Variants in DDR2 observed in about 807,000 individuals in gnomAD.
The protein encoded by DDR2 is discoidin domain receptor tyrosine kinase 2.
A neutral mutation model predicts 94.9 loss-of-function variants in DDR2; 27 were observed. The observed-to-expected ratio is 0.28, with a 90% CI of 0.21 to 0.39. The LOEUF (loss-of-function observed/expected upper bound fraction) is 0.39, where lower values mean the gene tolerates loss of function less well. Ranked by LOEUF, DDR2 falls within the 10% of genes least tolerant of loss-of-function variation. The pLI is 1.00. For missense variants in DDR2, 783 were observed against 1,076.0 expected (o/e 0.73, Z 3.81); for synonymous variants, 382 against 377.2 (o/e 1.01, Z -0.15).
chr1:162,696,700 A>G (rs1467232263), intron 2 of DDR2, among the ~76,000 whole-genome samples: 1 of 151,836 alleles, frequency 6.6e-6, no homozygotes, highest in Admixed American at 6.6e-5. Flanking sequence ...AGCCTAAACC[A>G]GAGGCCCCTT....
In DDR2 at chr1:162,744,986, T is replaced by C. The variant is rs115216498; in HGVS notation, c.83-8109T>C. On this transcript the variant is annotated intron_variant, in intron 3 of 17. Transcript: ENST00000367921. The stretch of plus-strand genomic sequence containing the variant: ...TTATAAGGGTTCCAGTTTCTCTACA[T>C]CCTTGCCAACATTTGTTATCTTTTG... Among the ~76,000 whole-genome samples, 1,445 of 152,334 alleles carry C rather than the reference T, an allele frequency of 9.5e-3. 22 individuals are homozygous for C. Among genetic ancestry groups the C allele is most frequent in the African/African-American group, 0.033 (1,380 of 41,582 alleles).
chr1:162,702,596 A>G (rs748221115), intron 2 of DDR2, among the ~76,000 whole-genome samples: 6 of 152,136 alleles, frequency 3.9e-5, no homozygotes, highest in Non-Finnish European at 7.4e-5. Flanking sequence ...TTTAAATGTC[A>G]CCCTATTTCA....
chr1:162,762,762 A>AT (rs1297738327), intron 9 of DDR2, among the ~76,000 whole-genome samples: 1 of 151,930 alleles, frequency 6.6e-6, no homozygotes, highest in African/African-American at 2.4e-5. Context: ...TTTTACCCTT[A>AT]TTTTTTTGGT....
intron 2 of DDR2, among the ~76,000 whole-genome samples, chr1:162,710,104 A>G (rs1307131023): frequency 1.3e-5 from 2 of 152,226 alleles, no homozygotes; most frequent in Non-Finnish European, 2.9e-5. Flanking sequence ...ATGTGACTCA[A>G]CATCTTCTTG....
chr1:162,651,030 C>T (rs1247487950), intron 1 of DDR2, among the ~76,000 whole-genome samples: 2 of 152,146 alleles, frequency 1.3e-5, no homozygotes, highest in Non-Finnish European at 2.9e-5. Context: ...CACCCAGCCC[C>T]TCTCCACATT....
At chr1:162,662,138 G>A (rs1157200762) in intron 2 of DDR2, among the ~76,000 whole-genome samples, 5 of 152,204 alleles carry the variant, frequency 3.3e-5, no homozygotes, top group Admixed American at 6.5e-5. Flanking sequence ...AGGTTTTAAA[G>A]CCAAAGTTAT....
At chr1:162,654,087 A>G (rs1430649102) in intron 1 of DDR2, among the ~76,000 whole-genome samples, 1 of 152,336 alleles carries the variant, frequency 6.6e-6, no homozygotes, top group East Asian at 1.9e-4. Flanking sequence ...CAACATGTAT[A>G]ATAGACAAGC....
intron 17 of DDR2, among the ~76,000 whole-genome samples, chr1:162,779,376 C>G (rs1647772879): frequency 6.6e-6 from 1 of 152,124 alleles, no homozygotes; most frequent in African/African-American, 2.4e-5. Flanking sequence ...CCAGTAACTA[C>G]AGCACCGCAC....
chr1:162,643,477 A>T (rs2101892281), intron 1 of DDR2, among the ~76,000 whole-genome samples: 1 of 152,142 alleles, frequency 6.6e-6, no homozygotes, highest in East Asian at 1.9e-4. Flanking sequence ...AGGGCAGAAG[A>T]TCTAATTTTC....
At chr1:162,679,213 T>A (rs1473059413) in intron 2 of DDR2, among the ~76,000 whole-genome samples, 6 of 152,160 alleles carry the variant, frequency 3.9e-5, no homozygotes, top group African/African-American at 1.4e-4. Context: ...CATCCTCAAG[T>A]AGGCCCCAGA....
intron 2 of DDR2, among the ~76,000 whole-genome samples, chr1:162,665,131 A>G (rs1056360875): frequency 6.6e-6 from 1 of 152,184 alleles, no homozygotes; most frequent in Non-Finnish European, 1.5e-5. Context: ...AAACCTTTTC[A>G]GACTTCCTAT....
chr1:162,766,631 A>T (rs1371676876), intron 10 of DDR2, among the ~76,000 whole-genome samples: 5 of 152,204 alleles, frequency 3.3e-5, no homozygotes, highest in Non-Finnish European at 7.3e-5. Context: ...CCATAATAAT[A>T]CAGAGACAAA....
chr1:162,684,358 C>T (rs1571194564), intron 2 of DDR2, among the ~76,000 whole-genome samples: 2 of 152,164 alleles, frequency 1.3e-5, no homozygotes, highest in East Asian at 3.9e-4. Context: ...AGAATTATTA[C>T]ATTGGTTGAT....
intron 2 of DDR2, among the ~76,000 whole-genome samples, chr1:162,693,406 T>G (rs1660044719): frequency 6.6e-6 from 1 of 152,236 alleles, no homozygotes; most frequent in Admixed American, 6.5e-5. Context: ...GAACCGCCTT[T>G]GTGTTTTTCT....
chr1:162,667,263 A>G (rs773484705), intron 2 of DDR2, among the ~76,000 whole-genome samples: 5 of 152,164 alleles, frequency 3.3e-5, no homozygotes, highest in Non-Finnish European at 7.4e-5. Context: ...TTGAACACTT[A>G]TTATTCTCTT....
At chr1:162,661,654 T>C (rs1226852078) in intron 2 of DDR2, among the ~76,000 whole-genome samples, 1 of 152,168 alleles carries the variant, frequency 6.6e-6, no homozygotes, top group Non-Finnish European at 1.5e-5. Context: ...ACAAACACAG[T>C]GAAGCCGGAG....
chr1:162,753,238 G>T, intron 4 of DDR2, 41 bp downstream of exon 4: 1 of 1,586,150 alleles, frequency 6.3e-7, no homozygotes, highest in South Asian at 1.1e-5. Context: ...TTCTGGGGTT[G>T]GGCAGATTTC....
intron 13 of DDR2, chr1:162,772,453 A>G (rs1179578920): frequency 1.7e-5 from 10 of 597,230 alleles, no homozygotes; most frequent in South Asian, 8.0e-5. Context: ...TCTGATTTCT[A>G]TATAGGAGTT....
Position 162,769,787 on chromosome 1 carries a change from TTA to T in DDR2, c.1294-513_1294-512del, listed in dbSNP as rs1279019290. Among the ~76,000 whole-genome samples the T allele has an allele frequency of 5.3e-5, 8 of 152,372 alleles. No homozygotes were observed. In the East Asian group the frequency reaches 1.3e-3, roughly 26 times the overall value. On this transcript the variant is annotated intron_variant, in intron 11 of 17. Coordinates refer to ENST00000367921, the MANE Select transcript of DDR2 (RefSeq NM_006182.4). The stretch of plus-strand genomic sequence containing the variant: ...TTTCCTGTCCCATGTTGTAGCCATT[TTA>T]TTTTTGGTTAGTGAAAATATGGGTC...
Sources: gnomAD v4.1 joint callset for allele counts (sites outside exome capture counted in the v4.1 genomes callset) on GRCh38, gnomAD v4.1.1 for gene constraint, MANE v1.5 for transcripts, NCBI Gene and HGNC (gene_info 2026-07-23, HGNC 2026-07-21) for gene names.